Variants in CDYL observed in about 807,000 individuals in gnomAD.
The protein encoded by CDYL is chromodomain Y-like protein.
CDYL carries 8 observed loss-of-function variants against 47.3 expected under a neutral mutation model. The ratio of observed to expected loss-of-function variants is 0.17; its 90% CI spans 0.10 to 0.31. The LOEUF (loss-of-function observed/expected upper bound fraction) is 0.31, where lower values mean the gene tolerates loss of function less well. CDYL is among the 10% of genes least tolerant of loss of function. The pLI is 1.00. For missense variants in CDYL, 471 were observed against 701.4 expected (o/e 0.67, Z 3.71); for synonymous variants, 266 against 265.0 (o/e 1.00, Z -0.04).
chr6:4,912,844 A>G (rs545954555), intron 2 of CDYL, among the ~76,000 whole-genome samples: 2 of 151,528 alleles, frequency 1.3e-5, no homozygotes, highest in Non-Finnish European at 2.9e-5. Context: ...CACCAGTCGC[A>G]CTCCCGTGAT....
At chr6:4,801,415 C>T (rs745376081) in intron 1 of CDYL, among the ~76,000 whole-genome samples, 2 of 152,174 alleles carry the variant, frequency 1.3e-5, no homozygotes, top group African/African-American at 2.4e-5. Flanking sequence ...TCAAGATTTC[C>T]TATTTTTTTC....
chr6:4,745,593 A>T (rs112158099), intron 3 of CDYL, among the ~76,000 whole-genome samples: 1 of 68 alleles, frequency 0.015, no homozygotes, highest in Non-Finnish European at 0.045. Context: ...AATAAAAATT[A>T]AAAAAAAAAA....
intron 2 of CDYL, among the ~76,000 whole-genome samples, chr6:4,723,827 G>A (rs1488576050): frequency 1.3e-5 from 2 of 152,214 alleles, no homozygotes; most frequent in Admixed American, 6.5e-5. Flanking sequence ...GGCACATACT[G>A]AGACAACTCA....
At chr6:4,937,256 G>A (rs1220356534) in intron 3 of CDYL, among the ~76,000 whole-genome samples, 3 of 152,166 alleles carry the variant, frequency 2.0e-5, no homozygotes, top group African/African-American at 7.2e-5. Context: ...CTACTTGGGA[G>A]GCTGAGGCGG....
At chr6:4,725,485 C>T (rs1416139548) in intron 2 of CDYL, among the ~76,000 whole-genome samples, 3 of 152,230 alleles carry the variant, frequency 2.0e-5, no homozygotes, top group East Asian at 3.9e-4. Context: ...GCTGGGAGGC[C>T]TGGGGAGGCA....
At chr6:4,886,824 A>G in intron 1 of CDYL, among the ~76,000 whole-genome samples, 1 of 152,266 alleles carries the variant, frequency 6.6e-6, no homozygotes, top group Non-Finnish European at 1.5e-5. Context: ...TTCTTTTAAG[A>G]ATTTTATAAT....
chr6:4,870,280 T>C (rs1172251343), intron 1 of CDYL, among the ~76,000 whole-genome samples: 4 of 152,238 alleles, frequency 2.6e-5, no homozygotes, highest in African/African-American at 9.6e-5. Flanking sequence ...TTGCTAAATA[T>C]AGAATTATTG....
chr6:4,729,789 A>G (rs2127413462), intron 2 of CDYL, among the ~76,000 whole-genome samples: 1 of 152,258 alleles, frequency 6.6e-6, no homozygotes, highest in Non-Finnish European at 1.5e-5. Flanking sequence ...ATGGTGGTGC[A>G]TGTATGTGGT....
chr6:4,726,263 G>A (rs920263938), intron 2 of CDYL, among the ~76,000 whole-genome samples: 8 of 152,198 alleles, frequency 5.3e-5, no homozygotes, highest in African/African-American at 1.9e-4. Flanking sequence ...TTAGGCCGGC[G>A]TGGCGGCTCT....
chr6:4,846,141 C>T (rs550804840), intron 1 of CDYL, among the ~76,000 whole-genome samples: 17 of 150,254 alleles, frequency 1.1e-4, no homozygotes, highest in South Asian at 4.2e-4. Flanking sequence ...GCAAATTCTG[C>T]GATTGCACCT....
chr6:4,875,006 T>TG (rs1761580686), intron 1 of CDYL, among the ~76,000 whole-genome samples: 1 of 152,166 alleles, frequency 6.6e-6, no homozygotes, highest in Admixed American at 6.5e-5. Context: ...TGAACATTCT[T>TG]GCGTGGGTCT....
chr6:4,836,619 A>G (rs1760315857), intron 1 of CDYL, among the ~76,000 whole-genome samples: 2 of 152,200 alleles, frequency 1.3e-5, no homozygotes, highest in Non-Finnish European at 2.9e-5. Flanking sequence ...TCTGTTAGCA[A>G]TAGATAATTA....
chr6:4,768,251 C>T (rs537084802), intron 3 of CDYL, among the ~76,000 whole-genome samples: 8 of 152,208 alleles, frequency 5.3e-5, no homozygotes, highest in African/African-American at 1.9e-4. Context: ...AGGGAATAGC[C>T]TCAGTCACAA....
Position 4,891,961 on chromosome 6 carries a change from T to C in CDYL, c.273T>C (p.Phe91=). The C allele has an allele frequency of 6.2e-7, 1 of 1,614,148 alleles. No homozygotes were observed. Among genetic ancestry groups the C allele is most frequent in the Non-Finnish European group, 8.5e-7 (1 of 1,180,032 alleles). Residue 91 remains phenylalanine, a synonymous_variant, in exon 2 of 7, where the codon TTT becomes TTC. Coordinates refer to ENST00000397588, the MANE Select transcript of CDYL (RefSeq NM_004824.4). ...TCTCCAGATCCACCAACAGCAACTT[T>C]TCTAAGACCTCTCCTAAGGCACTCG... ...KQISRSTNSN[F]SKTSPKALVI...
chr6:4,851,529 G>C (rs967940259), intron 1 of CDYL, among the ~76,000 whole-genome samples: 1 of 152,078 alleles, frequency 6.6e-6, no homozygotes, highest in Non-Finnish European at 1.5e-5. Flanking sequence ...CTGGAGTCTG[G>C]GGGCTCTCTC....
intron 1 of CDYL, among the ~76,000 whole-genome samples, chr6:4,871,053 TTTTAC>T (rs1278529336): frequency 1.3e-5 from 2 of 152,192 alleles, no homozygotes; most frequent in African/African-American, 4.8e-5. Context: ...GTTTTCAGGA[TTTTAC>T]TTTAAGTTTT....
rs1209416685 is a variant in CDYL at position 4,937,648 on chromosome 6, C to T, written c.1032C>T (p.Val344=). ...TACTGCTCAGCGCCGTTGGCAGCGTCTTCTGTTGTGGACTTGACTTTATTT... is the reference window on the plus strand; with the variant it reads ...TACTGCTCAGCGCCGTTGGCAGCGTTTTCTGTTGTGGACTTGACTTTATTT... ...KLVLLSAVGS[V]FCCGLDFIYF... The change falls in exon 4 of 7, where the codon GTC becomes GTT. Residue 344 remains valine, a synonymous_variant. Coordinates refer to ENST00000397588, the MANE Select transcript of CDYL (RefSeq NM_004824.4). The T allele has an allele frequency of 2.5e-6, 4 of 1,613,848 alleles. No homozygotes were observed. In the Admixed American group the frequency reaches 6.7e-5, roughly 27 times the overall value.
At chr6:4,742,634 C>A (rs532835488) in intron 3 of CDYL, among the ~76,000 whole-genome samples, 21 of 152,290 alleles carry the variant, frequency 1.4e-4, no homozygotes, top group South Asian at 4.1e-4. Flanking sequence ...TGGTCCATAG[C>A]AATGATCAAA....
chr6:4,919,117 C>T (rs539894105), intron 2 of CDYL, among the ~76,000 whole-genome samples: 2 of 152,158 alleles, frequency 1.3e-5, no homozygotes, highest in East Asian at 3.9e-4. Context: ...CGGAACAAAA[C>T]AAGTTCAAGT....
Sources: allele counts gnomAD v4.1 joint callset (sites outside exome capture counted in the v4.1 genomes callset), GRCh38; gene constraint gnomAD v4.1.1; transcripts MANE v1.5; gene names NCBI Gene and HGNC (gene_info 2026-07-23, HGNC 2026-07-21).